Variants in TOM1L2 observed in about 807,000 individuals in gnomAD.
The protein encoded by TOM1L2 is TOM1-like protein 2.
A neutral mutation model predicts 67.9 loss-of-function variants in TOM1L2; 31 were observed. That is an observed-to-expected ratio of 0.46 (90% CI 0.34 to 0.62). TOM1L2 has a LOEUF of 0.62. Among genes scored for constraint, TOM1L2 ranks in the 20% least tolerant of loss-of-function variants. TOM1L2 has a pLI of 0.01. For synonymous variants in TOM1L2, 256 were observed against 254.0 expected, an observed-to-expected ratio of 1.01 and a Z score of -0.07; for missense variants, 606 against 663.5, an observed-to-expected ratio of 0.91 and a Z score of 0.95.
chr17:17,966,730 C>T (rs529904017), intron 1 of TOM1L2, among the ~76,000 whole-genome samples: 3 of 152,310 alleles, frequency 2.0e-5, no homozygotes, highest in African/African-American at 7.2e-5. Flanking sequence ...CCTCGATTTC[C>T]TTATGTGATA....
intron 1 of TOM1L2, among the ~76,000 whole-genome samples, chr17:17,956,786 C>T (rs117924544): frequency 0.11 from 16,134 of 152,274 alleles, 1,259 homozygotes; most frequent in South Asian, 0.38. Context: ...GCTGAGCTCA[C>T]GCCCACCCAG....
intron 1 of TOM1L2, among the ~76,000 whole-genome samples, chr17:17,955,715 T>C (rs1158996406): frequency 6.6e-6 from 1 of 152,214 alleles, no homozygotes; most frequent in African/African-American, 2.4e-5. Context: ...TGGTGGGTTC[T>C]TGGTCTCACT....
At chr17:17,907,343 A>G in intron 2 of TOM1L2, 104 bp downstream of exon 2, 1 of 990,764 alleles carries the variant, frequency 1.0e-6, no homozygotes, top group Non-Finnish European at 1.5e-6. Context: ...CAAACATACT[A>G]GGAACAAAAC....
At chr17:17,940,192 C>CAAAAAAAAAAAAAA (rs34433429) in intron 1 of TOM1L2, among the ~76,000 whole-genome samples, 1 of 32,610 alleles carries the variant, frequency 3.1e-5, no homozygotes, top group African/African-American at 8.8e-5. Context: ...GACTCTATCT[C>CAAAAAAAAAAAAAA]AAAAAAAAAA....
chr17:17,950,001 G>T (rs2041125454), intron 1 of TOM1L2, among the ~76,000 whole-genome samples: 1 of 151,988 alleles, frequency 6.6e-6, no homozygotes, highest in African/African-American at 2.4e-5. Context: ...CTCCCGAGTA[G>T]CTGGGACTAC....
intron 4 of TOM1L2, among the ~76,000 whole-genome samples, chr17:17,892,598 A>AT: frequency 1.3e-5 from 2 of 152,054 alleles, no homozygotes; most frequent in Non-Finnish European, 2.9e-5. Context: ...TTCTGGTCCC[A>AT]TCTCCTGCCT....
intron 1 of TOM1L2, among the ~76,000 whole-genome samples, chr17:17,939,004 GA>G (rs1375992631): frequency 2.0e-5 from 3 of 152,268 alleles, no homozygotes; most frequent in Non-Finnish European, 4.4e-5. Context: ...TCTGACCTCT[GA>G]ACCCAAGTGT....
chr17:17,882,103 G>C (rs1304430835), intron 6 of TOM1L2, among the ~76,000 whole-genome samples: 1 of 152,158 alleles, frequency 6.6e-6, no homozygotes, highest in African/African-American at 2.4e-5. Context: ...AAGTAACCCG[G>C]GAGGGTGGGG....
intron 2 of TOM1L2, among the ~76,000 whole-genome samples, chr17:17,904,737 C>T (rs2144376900): frequency 1.3e-5 from 2 of 152,310 alleles, no homozygotes; most frequent in Admixed American, 1.3e-4. Flanking sequence ...GACCCTCCCG[C>T]TCCCCCAATG....
At chr17:17,898,379 G>A (rs370496202) in intron 3 of TOM1L2, among the ~76,000 whole-genome samples, 2 of 152,220 alleles carry the variant, frequency 1.3e-5, no homozygotes, top group South Asian at 2.1e-4. Context: ...TCTTCTGCTC[G>A]TATACATTTA....
chr17:17,847,886 T>C, intron 14 of TOM1L2, 103 bp from the exon 15 acceptor site: 1 of 1,513,194 alleles, frequency 6.6e-7, no homozygotes, highest in Non-Finnish European at 9.1e-7. Context: ...AGGGCAGGCA[T>C]GAAGCCCACC....
intron 4 of TOM1L2, among the ~76,000 whole-genome samples, chr17:17,892,904 C>T (rs965960118): frequency 6.6e-6 from 1 of 152,168 alleles, no homozygotes; most frequent in Non-Finnish European, 1.5e-5. Flanking sequence ...TTCCTGCCAA[C>T]AGCCATGTGG....
At chr17:17,964,655 G>T in intron 1 of TOM1L2, among the ~76,000 whole-genome samples, 1 of 152,176 alleles carries the variant, frequency 6.6e-6, no homozygotes, top group Non-Finnish European at 1.5e-5. Context: ...CACTTTGGGA[G>T]GCTGAAGCGG....
chr17:17,904,725 C>T (rs1044435718), intron 2 of TOM1L2, among the ~76,000 whole-genome samples: 1 of 152,244 alleles, frequency 6.6e-6, no homozygotes, highest in African/African-American at 2.4e-5. Context: ...AGCCGGATTC[C>T]AGACCCTCCC....
chr17:17,972,161 C>G, intron 1 of TOM1L2, 101 bp downstream of exon 1: 2 of 1,444,620 alleles, frequency 1.4e-6, no homozygotes, highest in South Asian at 2.5e-5. Context: ...AGGCCCAGCC[C>G]GCTCGTGAAG....
intron 1 of TOM1L2, among the ~76,000 whole-genome samples, chr17:17,917,251 G>A (rs552858309): frequency 2.2e-4 from 34 of 152,010 alleles, no homozygotes; most frequent in African/African-American, 7.0e-4. Context: ...AGAATCACTC[G>A]AACCTGGGAG....
In TOM1L2 at chr17:17,847,495, G is replaced by A. The variant is rs564079321; in HGVS notation, c.*140C>T. 1 of 1,167,616 alleles carries A rather than the reference G, an allele frequency of 8.6e-7. No individual in the cohort carries two copies. Among genetic ancestry groups the A allele is most frequent in the East Asian group, 2.5e-5 (1 of 40,050 alleles). 72.3% of individuals were successfully genotyped at this position (1,167,616 alleles called of 1,614,324 possible). A position where few individuals can be genotyped will look rare whatever the true frequency, so the allele number is the denominator to read the frequency against. On this transcript the variant is annotated 3_prime_UTR_variant, in exon 15 of 15. Coordinates refer to ENST00000379504, the MANE Select transcript of TOM1L2 (RefSeq NM_001082968.2). Reference sequence around the variant, plus strand: ...GCTGGTCCTGACTAGTGGGAGGCCTGGGAGCAGACACGGTGGCATTTCCAT... The same window carrying A: ...GCTGGTCCTGACTAGTGGGAGGCCTAGGAGCAGACACGGTGGCATTTCCAT...
chr17:17,869,234 ATC>A, intron 8 of TOM1L2, 104 bp downstream of exon 8: 1 of 1,553,966 alleles, frequency 6.4e-7, no homozygotes, highest in Non-Finnish European at 8.6e-7. Flanking sequence ...TCCAACTCTA[ATC>A]TCTCTCCCTC....
chr17:17,867,486 C>T (rs1436451617), intron 8 of TOM1L2, among the ~76,000 whole-genome samples: 1 of 152,320 alleles, frequency 6.6e-6, no homozygotes, highest in Non-Finnish European at 1.5e-5. Context: ...AGTGAGTGTC[C>T]TCTGCACCCA....
Sources: allele counts gnomAD v4.1 joint callset (sites outside exome capture counted in the v4.1 genomes callset), GRCh38; gene constraint gnomAD v4.1.1; transcripts MANE v1.5; gene names NCBI Gene and HGNC (gene_info 2026-07-23, HGNC 2026-07-21).